GFPT2: variants seen among roughly 807,000 people sequenced by gnomAD.
GFPT2 encodes glutamine--fructose-6-phosphate aminotransferase [isomerizing] 2.
GFPT2 carries 62 observed loss-of-function variants against 85.6 expected under a neutral mutation model. The observed-to-expected ratio is 0.72, with a 90% CI of 0.59 to 0.90. The LOEUF (loss-of-function observed/expected upper bound fraction) is 0.90. Among genes scored for constraint, GFPT2 ranks in the 40% least tolerant of loss-of-function variants. GFPT2 has a pLI of 0.00. For missense variants in GFPT2, 788 were observed against 893.4 expected (o/e 0.88, Z 1.50); for synonymous variants, 368 against 344.5 (o/e 1.07, Z -0.75).
chr5:180,313,815 T>C lies in GFPT2; in HGVS notation c.1423A>G (p.Ser475Gly). 6.4e-7 allele frequency: 1 copy of C among 1,558,214 alleles called. No homozygotes were observed. Among genetic ancestry groups the C allele is most frequent in the Non-Finnish European group, 8.6e-7 (1 of 1,156,182 alleles). ...CCCGTGGCTCCTCCTACCTTGGTGCTGGCCACGCCGATCTCCGGCCCTGCG... is the reference window on the plus strand; with the variant it reads ...CCCGTGGCTCCTCCTACCTTGGTGCCGGCCACGCCGATCTCCGGCCCTGCG... ...INAGPEIGVA[S>G]TKAYTSQFIS... Residue 475 changes from serine to glycine, a missense_variant, in exon 14 of 19, where the codon AGC (serine) becomes GGC (glycine). Physicochemically the swap from Ser to Gly is moderately conservative, Grantham distance 56. Transcript: ENST00000253778.
chr5:180,342,920 A>G (rs897693251), intron 1 of GFPT2, among the ~76,000 whole-genome samples: 23 of 152,024 alleles, frequency 1.5e-4, no homozygotes, highest in African/African-American at 5.6e-4. Flanking sequence ...AAAAAAAGGA[A>G]GAAAGAAAGA....
At chr5:180,340,598 G>A (rs1243447516) in intron 1 of GFPT2, among the ~76,000 whole-genome samples, 3 of 144,562 alleles carry the variant, frequency 2.1e-5, no homozygotes, top group African/African-American at 5.2e-5. Context: ...TGCAAGCTCC[G>A]CCTCCCAGGT....
chr5:180,303,383 G>C (rs915959196), intron 17 of GFPT2, among the ~76,000 whole-genome samples: 3 of 152,236 alleles, frequency 2.0e-5, no homozygotes, highest in Admixed American at 6.5e-5. Flanking sequence ...CCTCGGCGGA[G>C]CATTCTGTGG....
intron 1 of GFPT2, among the ~76,000 whole-genome samples, chr5:180,343,339 C>T (rs571771671): frequency 6.6e-6 from 1 of 152,328 alleles, no homozygotes; most frequent in East Asian, 1.9e-4. Context: ...CCACGACAGC[C>T]TCCTGGACAG....
Position 180,335,879 on chromosome 5 carries a change from C to G in GFPT2, c.289G>C (p.Gly97Arg). 3 of 1,587,256 alleles carry G rather than the reference C, an allele frequency of 1.9e-6. No individual in the cohort carries two copies. The South Asian group carries it at 3.4e-5, about 18-fold the overall frequency. The change falls in exon 4 of 19, where the codon GGG becomes CGG. Residue 97 changes from glycine (G) to arginine (R), a missense_variant. Transcript: ENST00000253778. ...TGGCTGTTGACAGCACTGGGGACCC[C>G]GTGGGTGGCCCAGCGCGTGTGGGCA... ...GIAHTRWATH[G>R]VPSAVNSHPQ...
intron 4 of GFPT2, among the ~76,000 whole-genome samples, chr5:180,333,830 G>C (rs1764351567): frequency 6.6e-6 from 1 of 152,176 alleles, no homozygotes; most frequent in Non-Finnish European, 1.5e-5. Context: ...GTGTGGGTGG[G>C]CCTCCTGGGA....
Position 180,307,241 on chromosome 5 carries a change from T to C in GFPT2, c.1609A>G (p.Thr537Ala). The C allele has an allele frequency of 1.2e-6, 2 of 1,613,270 alleles. No homozygotes were observed. The highest frequency in any genetic ancestry group is 1.1e-5 in the South Asian group (1 of 91,004). Reference sequence around the variant, plus strand: ...CCCATCACCAGCAGCGATCTCTGCGTGTAGAGCTCCAGGGCCAAGTCGTGG... The same window carrying C: ...CCCATCACCAGCAGCGATCTCTGCGCGTAGAGCTCCAGGGCCAAGTCGTGG... The part of the protein sequence containing the change: ...KIHDLALELY[T>A]QRSLLVMGRG... Residue 537 changes from threonine (T) to alanine (A), a missense_variant, in exon 16 of 19, where the codon ACG becomes GCG. By Grantham distance (58) the Thr-to-Ala change is moderately conservative (BLOSUM62 0). Coordinates refer to ENST00000253778, the MANE Select transcript of GFPT2 (RefSeq NM_005110.4).
chr5:180,328,799 G>A lies in GFPT2; in HGVS notation c.535-461C>T, dbSNP rs530106298. Among the ~76,000 whole-genome samples, 31 of 152,270 alleles carry A rather than the reference G, an allele frequency of 2.0e-4. No individual in the cohort carries two copies. Among genetic ancestry groups the A allele is most frequent in the Admixed American group, 1.4e-3 (22 of 15,294 alleles). On this transcript the variant is annotated intron_variant, in intron 6 of 18. Transcript: ENST00000253778. The surrounding 1 kb of genome is among the most constrained non-coding windows in gnomAD (Gnocchi z 5.4). ...GGGCTCTCCCTTTAGCCTTCTTGGC[G>A]CCTCGTTCTCCTCATCGGTGAAGGA... is the stretch of plus-strand genomic sequence containing the variant.
intron 14 of GFPT2, among the ~76,000 whole-genome samples, chr5:180,312,762 A>C (rs1386093131): frequency 6.6e-6 from 1 of 150,790 alleles, no homozygotes; most frequent in Non-Finnish European, 1.5e-5. Context: ...TTTAGGTTTT[A>C]TTTATCTATT....
intron 15 of GFPT2, among the ~76,000 whole-genome samples, chr5:180,309,939 T>C (rs1317606720): frequency 1.3e-5 from 2 of 151,128 alleles, no homozygotes; most frequent in Non-Finnish European, 2.9e-5. Context: ...GCCCCCCGAG[T>C]AGCTGGGACT....
chr5:180,334,033 C>T (rs1764354146), intron 4 of GFPT2, among the ~76,000 whole-genome samples: 1 of 152,226 alleles, frequency 6.6e-6, no homozygotes, highest in African/African-American at 2.4e-5. Flanking sequence ...TGCACTTGAC[C>T]TGGGCTCTGG....
Position 180,301,380 on chromosome 5 carries a change from A to G in GFPT2, c.*184T>C. 3.2e-6 allele frequency: 2 copies of G among 629,048 alleles called. No homozygotes were observed. Among genetic ancestry groups the G allele is most frequent in the Non-Finnish European group, 5.8e-6 (2 of 347,178 alleles). The allele number at this position is 629,048 out of a possible 1,614,324, so 39.0% of individuals were successfully genotyped here. A position where few individuals can be genotyped will look rare whatever the true frequency, so the allele number is the denominator to read the frequency against. On this transcript the variant is annotated 3_prime_UTR_variant, in exon 19 of 19. Transcript: ENST00000253778. ...CCTTCTCCTCTGGCGACTTCAGGAC[A>G]CAGAGAAACAGTATCTGCTGTAAGC...
rs752021767 is a variant in GFPT2 at position 180,323,861 on chromosome 5, G to C, written c.794+327C>G. ...ATGCCCCGATCTGCTAGTTCTTCCA[G>C]AGAAGCTAGAGATTTCAGATTTCTC... On this transcript the variant is annotated intron_variant, in intron 9 of 18. Transcript: ENST00000253778. The surrounding 1 kb of genome is among the most constrained non-coding windows in gnomAD (Gnocchi z 4.0). Among the ~76,000 whole-genome samples the C allele has an allele frequency of 8.5e-5, 13 of 152,214 alleles. No homozygotes were observed. Among genetic ancestry groups the C allele is most frequent in the Non-Finnish European group, 1.6e-4 (11 of 68,040 alleles).
chr5:180,331,299 C>T, intron 5 of GFPT2, 196 bp downstream of exon 5: 1 of 590,384 alleles, frequency 1.7e-6, no homozygotes, highest in South Asian at 2.2e-5. Context: ...ACACTAATGC[C>T]CTGTTATCTC....
intron 15 of GFPT2, among the ~76,000 whole-genome samples, chr5:180,308,019 G>A (rs1370878825): frequency 6.6e-6 from 1 of 152,158 alleles, no homozygotes; most frequent in Non-Finnish European, 1.5e-5. Context: ...CACTTTGGAA[G>A]GCTGGGGCAG....
intron 14 of GFPT2, 70 bp downstream of exon 14, chr5:180,313,737 G>A: frequency 7.2e-7 from 1 of 1,384,910 alleles, no homozygotes; most frequent in Non-Finnish European, 9.7e-7. Flanking sequence ...GCAGGCCGGA[G>A]GAGGGCGGCC....
rs763344336 is a variant in GFPT2, at chr5:180,324,833, G to A, written c.659C>T (p.Pro220Leu). 8 of 1,605,422 alleles carry A rather than the reference G, an allele frequency of 5.0e-6. No homozygotes were observed. The highest frequency in any genetic ancestry group is 6.8e-6 in the Non-Finnish European group (8 of 1,172,106). ...SKYKLSTEQI[P>L]ILYRTCTLEN... ...AAACTTACACGTCCTGTATAAGATA[G>A]GGATCTGTTCTGTGGAGAGCTTGTA... The change falls in exon 8 of 19, where the codon CCT becomes CTT. Residue 220 changes from proline (P) to leucine (L), a missense_variant. By Grantham distance (98) the Pro-to-Leu change is moderately conservative (BLOSUM62 -3). Coordinates refer to ENST00000253778, the MANE Select transcript of GFPT2 (RefSeq NM_005110.4).
intron 4 of GFPT2, among the ~76,000 whole-genome samples, chr5:180,334,830 T>C (rs1764366157): frequency 6.6e-6 from 1 of 152,148 alleles, no homozygotes; most frequent in Non-Finnish European, 1.5e-5. Flanking sequence ...AGGGATTAGA[T>C]CCTCTCTTCT....
At chr5:180,352,438 A>G (rs912791595) in intron 1 of GFPT2, 1 of 454,274 alleles carries the variant, frequency 2.2e-6, no homozygotes, top group South Asian at 1.6e-5. Flanking sequence ...AGGAGAGTAA[A>G]GAATTGCAGA....
Sources: allele counts gnomAD v4.1 joint callset (sites outside exome capture counted in the v4.1 genomes callset), GRCh38; gene constraint gnomAD v4.1.1; non-coding constraint Gnocchi (gnomAD v3.1); transcripts MANE v1.5; gene names NCBI Gene and HGNC (gene_info 2026-07-23, HGNC 2026-07-21).